Variants in DERA observed in about 807,000 individuals in gnomAD.
DERA encodes 2-deoxy-D-ribose 5-phosphate aldolase.
A neutral mutation model predicts 41.1 loss-of-function variants in DERA; 15 were observed. The observed-to-expected ratio is 0.37, with a 90% CI of 0.24 to 0.56. DERA has a LOEUF of 0.56. DERA is among the 20% of genes least tolerant of loss of function. The pLI, the probability that DERA is intolerant of heterozygous loss-of-function variation, is 0.81. For missense variants in DERA, 396 were observed against 403.4 expected, an observed-to-expected ratio of 0.98 and a Z score of 0.16; for synonymous variants, 139 against 137.4, an observed-to-expected ratio of 1.01 and a Z score of -0.08.
At position 15,994,346 on chromosome 12, in the gene DERA, C is replaced by CTGT. The variant is rs796382843; in HGVS notation, c.637+11911_637+11913dup. Among the ~76,000 whole-genome samples, 51 of 152,334 alleles carry CTGT rather than the reference C, an allele frequency of 3.3e-4. 1 individual carries two copies. Among genetic ancestry groups the CTGT allele is most frequent in the African/African-American group, 1.1e-3 (44 of 41,570 alleles). ...CTGGCACATGACATAGAGGCTAGAC[C>CTGT]TGTGTTCATGTGTCTGAGATTCTGT... On this transcript the variant is annotated intron_variant, in intron 6 of 8. Transcript: ENST00000428559. The surrounding 1 kb of genome is among the most constrained non-coding windows in gnomAD (Gnocchi z 4.8).
chr12:15,944,924 A>T (rs1592010691), intron 1 of DERA, among the ~76,000 whole-genome samples: 1 of 152,204 alleles, frequency 6.6e-6, no homozygotes, highest in African/African-American at 2.4e-5. Flanking sequence ...TAAGGAAGGG[A>T]TCCAGTTTCA....
chr12:15,986,995 A>AT lies in DERA; in HGVS notation c.637+4561dup, dbSNP rs1357749147. ...TCTTGTTTCAGCCTTTAAATAAGTC[A>AT]TTCCATTTCTTGGAATCCCATTTCT... On this transcript the variant is annotated intron_variant, in intron 6 of 8. Coordinates refer to ENST00000428559, the MANE Select transcript of DERA (RefSeq NM_015954.4). Among the ~76,000 whole-genome samples the AT allele has an allele frequency of 4.6e-5, 7 of 152,140 alleles. 1 individual carries two copies. Among genetic ancestry groups the AT allele is most frequent in the Admixed American group, 1.3e-4 (2 of 15,270 alleles).
chr12:15,959,480 G>C lies in DERA; in HGVS notation c.278-349G>C, dbSNP rs921952319. On this transcript the variant is annotated intron_variant, in intron 3 of 8. Transcript: ENST00000428559. This position sits in a 1 kb window ranked among gnomAD's most constrained non-coding sequence, Gnocchi z 4.5. ...TGTCCTTTCTTCAGGTATGTCCTAT[G>C]TGAATGCTCTGTAAATATGGATTTT... 6.6e-6 allele frequency among the ~76,000 whole-genome samples: 1 copy of C among 152,160 alleles called. No homozygotes were observed. Among genetic ancestry groups the C allele is most frequent in the African/African-American group, 2.4e-5 (1 of 41,428 alleles).
rs972696206 is a variant in DERA at position 15,918,772 on chromosome 12, C to T, written c.31+7358C>T. 5.3e-5 allele frequency among the ~76,000 whole-genome samples: 8 copies of T among 152,112 alleles called. No individual in the cohort carries two copies. The South Asian group carries it at 1.0e-3, about 20-fold the overall frequency. On this transcript the variant is annotated intron_variant, in intron 1 of 8. Transcript: ENST00000428559. This position sits in a 1 kb window ranked among gnomAD's most constrained non-coding sequence, Gnocchi z 4.3. Reference sequence around the variant, plus strand: ...GGCATGTTAAAACTGACAACAGGAACGTGGTGGGATTGGAAGGATAAAGAC... The same window carrying T: ...GGCATGTTAAAACTGACAACAGGAATGTGGTGGGATTGGAAGGATAAAGAC...
intron 4 of DERA, among the ~76,000 whole-genome samples, chr12:15,960,647 A>AAAC (rs1948579668): frequency 6.7e-6 from 1 of 148,822 alleles, no homozygotes; most frequent in Non-Finnish European, 1.5e-5. Flanking sequence ...AAAAAAAAAA[A>AAAC]AAAAAAAAAA....
At position 15,950,713 on chromosome 12, in the gene DERA, C is replaced by T. The variant is rs116648689; in HGVS notation, c.32-6223C>T. 9.1e-4 allele frequency among the ~76,000 whole-genome samples: 138 copies of T among 152,294 alleles called. 1 individual carries two copies. Among genetic ancestry groups the T allele is most frequent in the African/African-American group, 3.2e-3 (134 of 41,578 alleles). ...TCAAATGTTTTATTATCAGATTTTC[C>T]TGGCTCATGCCCATCCTACATTCTC... On this transcript the variant is annotated intron_variant, in intron 1 of 8. Transcript: ENST00000428559.
rs1037176310 is a variant in DERA, at chr12:15,989,935, C to G, written c.637+7499C>G. 1.3e-5 allele frequency among the ~76,000 whole-genome samples: 2 copies of G among 152,126 alleles called. No homozygotes were observed. The highest frequency in any genetic ancestry group is 4.8e-5 in the African/African-American group (2 of 41,460). ...TTTCAAAATGTTTTAGAGCAAGGAACACAGTCAGAAGACCAGAACTCTTGT... is the reference window on the plus strand; with the variant it reads ...TTTCAAAATGTTTTAGAGCAAGGAAGACAGTCAGAAGACCAGAACTCTTGT... On this transcript the variant is annotated intron_variant, in intron 6 of 8. Transcript: ENST00000428559. This position sits in a 1 kb window ranked among gnomAD's most constrained non-coding sequence, Gnocchi z 5.2.
chr12:16,010,119 C>T lies in DERA; in HGVS notation c.638-22423C>T, dbSNP rs1948937648. ...AGAGTTTTAGTAAAGGAAGCCAAGC[C>T]CTTCTGCTGTGAGGGAAATATAGCA... On this transcript the variant is annotated intron_variant, in intron 6 of 8. Transcript: ENST00000428559. The surrounding 1 kb of genome is among the most constrained non-coding windows in gnomAD (Gnocchi z 5.5). Among the ~76,000 whole-genome samples the T allele has an allele frequency of 1.3e-5, 2 of 152,098 alleles. No individual in the cohort carries two copies. The highest frequency in any genetic ancestry group is 4.8e-5 in the African/African-American group (2 of 41,386).
intron 1 of DERA, among the ~76,000 whole-genome samples, chr12:15,930,384 G>T (rs1168803604): frequency 1.3e-5 from 2 of 152,044 alleles, no homozygotes; most frequent in South Asian, 4.1e-4. Context: ...GTTATCAATT[G>T]TTTTTTCTTC....
chr12:15,950,096 A>G (rs1279524268), intron 1 of DERA, among the ~76,000 whole-genome samples: 1 of 152,176 alleles, frequency 6.6e-6, no homozygotes, highest in Non-Finnish European at 1.5e-5. Flanking sequence ...GTCCTGATAC[A>G]GACCCCAAGA....
In DERA at chr12:15,990,115, A is replaced by G. The variant is rs1248606734; in HGVS notation, c.637+7679A>G. Among the ~76,000 whole-genome samples, 2 of 152,244 alleles carry G rather than the reference A, an allele frequency of 1.3e-5. No homozygotes were observed. The highest frequency in any genetic ancestry group is 4.8e-5 in the African/African-American group (2 of 41,466). Reference sequence around the variant, plus strand: ...TACCTTCCTTCTCCATCCTACGTCAATAAGAAAGGAAACATAATGAAATCT... The same window carrying G: ...TACCTTCCTTCTCCATCCTACGTCAGTAAGAAAGGAAACATAATGAAATCT... On this transcript the variant is annotated intron_variant, in intron 6 of 8. Coordinates refer to ENST00000428559, the MANE Select transcript of DERA (RefSeq NM_015954.4). The surrounding 1 kb of genome is among the most constrained non-coding windows in gnomAD (Gnocchi z 4.3).
In DERA at chr12:15,982,469, T is replaced by C; in HGVS notation, c.637+33T>C. On this transcript the variant is annotated intron_variant, in intron 6 of 8. Coordinates refer to ENST00000428559, the MANE Select transcript of DERA (RefSeq NM_015954.4). This position sits in a 1 kb window ranked among gnomAD's most constrained non-coding sequence, Gnocchi z 4.0. ...TTTTATGTTCAAATAATGTTTTCTA[T>C]TGAATTGATGTTTTTAGGAGAAATT... is the stretch of plus-strand genomic sequence containing the variant. The C allele has an allele frequency of 6.4e-7, 1 of 1,573,658 alleles. No individual in the cohort carries two copies. The highest frequency in any genetic ancestry group is 2.3e-5 in the East Asian group (1 of 44,212).
intron 6 of DERA, among the ~76,000 whole-genome samples, chr12:16,028,114 T>C (rs1482597740): frequency 6.6e-6 from 1 of 152,198 alleles, no homozygotes; most frequent in African/African-American, 2.4e-5. Flanking sequence ...CTAGCACCCA[T>C]ATAGTGGTTT....
rs961883709 is a variant in DERA, at chr12:15,954,016, A to G, written c.32-2920A>G. On this transcript the variant is annotated intron_variant, in intron 1 of 8. Coordinates refer to ENST00000428559, the MANE Select transcript of DERA (RefSeq NM_015954.4). The surrounding 1 kb of genome is among the most constrained non-coding windows in gnomAD (Gnocchi z 4.0). ...CTGATACTGTGAGAGAAGAAATCCT[A>G]TTACATTCTCCAGTAGATGGTTTGC... 1.3e-5 allele frequency among the ~76,000 whole-genome samples: 2 copies of G among 152,206 alleles called. No homozygotes were observed. The highest frequency in any genetic ancestry group is 2.4e-5 in the African/African-American group (1 of 41,454).
Position 15,913,885 on chromosome 12 carries a change from G to C in DERA, c.31+2471G>C, listed in dbSNP as rs1192409247. 1.3e-5 allele frequency among the ~76,000 whole-genome samples: 2 copies of C among 152,190 alleles called. No homozygotes were observed. The highest frequency in any genetic ancestry group is 2.9e-5 in the Non-Finnish European group (2 of 68,030). ...CAAGTTTGAGAACCAATGGCTTAAT[G>C]ATCTCCAAGGTACTATCAAGTTTTG... On this transcript the variant is annotated intron_variant, in intron 1 of 8. Coordinates refer to ENST00000428559, the MANE Select transcript of DERA (RefSeq NM_015954.4). This position sits in a 1 kb window ranked among gnomAD's most constrained non-coding sequence, Gnocchi z 4.5.
chr12:15,913,856 T>TA lies in DERA; in HGVS notation c.31+2443dup, dbSNP rs1440105743. 1.3e-5 allele frequency among the ~76,000 whole-genome samples: 2 copies of TA among 152,250 alleles called. No homozygotes were observed. Among genetic ancestry groups the TA allele is most frequent in the Non-Finnish European group, 2.9e-5 (2 of 68,038 alleles). On this transcript the variant is annotated intron_variant, in intron 1 of 8. Coordinates refer to ENST00000428559, the MANE Select transcript of DERA (RefSeq NM_015954.4). The surrounding 1 kb of genome is among the most constrained non-coding windows in gnomAD (Gnocchi z 4.5). Reference sequence around the variant, plus strand: ...AAATCCTGTGGGTAGTACTGAAGCATACCCAAGTTTGAGAACCAATGGCTT... The same window carrying TA: ...AAATCCTGTGGGTAGTACTGAAGCATAACCCAAGTTTGAGAACCAATGGCTT...
chr12:15,969,727 T>A (rs975626980), intron 5 of DERA, among the ~76,000 whole-genome samples: 63 of 152,230 alleles, frequency 4.1e-4, no homozygotes, highest in African/African-American at 1.5e-3. Flanking sequence ...CAATAATCTA[T>A]TTTTCTTATT....
At position 15,959,191 on chromosome 12, in the gene DERA, G is replaced by A. The variant is rs1012983707; in HGVS notation, c.278-638G>A. On this transcript the variant is annotated intron_variant, in intron 3 of 8. Transcript: ENST00000428559. This position sits in a 1 kb window ranked among gnomAD's most constrained non-coding sequence, Gnocchi z 4.5. ...GAAAAGTATTTATTATGTTTATTTC[G>A]TGTTGGCCATAAAAATATCACCTTA... Among the ~76,000 whole-genome samples the A allele has an allele frequency of 3.3e-5, 5 of 152,052 alleles. No individual in the cohort carries two copies. Among genetic ancestry groups the A allele is most frequent in the East Asian group, 1.9e-4 (1 of 5,202 alleles).
intron 5 of DERA, among the ~76,000 whole-genome samples, chr12:15,964,549 A>G (rs893955222): frequency 1.3e-5 from 2 of 152,174 alleles, no homozygotes; most frequent in African/African-American, 2.4e-5. Context: ...CTCTGTTCCT[A>G]TATATTAATT....
Sources: gnomAD v4.1 joint callset for allele counts (sites outside exome capture counted in the v4.1 genomes callset) on GRCh38, gnomAD v4.1.1 for gene constraint, Gnocchi (gnomAD v3.1) non-coding constraint, MANE v1.5 for transcripts, NCBI Gene and HGNC (gene_info 2026-07-23, HGNC 2026-07-21) for gene names.